The following FARP1 variants were observed in gnomAD, a reference collection of about 807,000 sequenced individuals.
FARP1 encodes the protein FERM, ARHGEF and pleckstrin domain-containing protein 1.
A neutral mutation model predicts 128.8 loss-of-function variants in FARP1; 52 were observed. The ratio of observed to expected loss-of-function variants is 0.40; its 90% confidence interval spans 0.32 to 0.51. The LOEUF is 0.51. FARP1 is among the 20% of genes least tolerant of loss of function. The pLI, the probability that FARP1 is intolerant of heterozygous loss-of-function variation, is 0.45. For missense variants in FARP1, 1,333 were observed against 1,367.9 expected (o/e 0.97, Z 0.40); for synonymous variants, 580 against 551.8 (o/e 1.05, Z -0.72).
rs1323114072 is a variant in FARP1 at position 98,388,469 on chromosome 13, A to G, written c.846A>G (p.Pro282=). The G allele has an allele frequency of 6.2e-7, 1 of 1,613,508 alleles. No homozygotes were observed. Among genetic ancestry groups the G allele is most frequent in the Non-Finnish European group, 8.5e-7 (1 of 1,179,412 alleles). Residue 282 remains proline (P), a synonymous_variant, in exon 9 of 27, where the codon CCA becomes CCG. Transcript: ENST00000319562. ...AGCGCTTTCTCATCAAGCTCCGGCC[A>G]GATGCCAATGTAAGTGGTCCTGGCG... ...KRKRFLIKLR[P]DANSAYQDTL...
chr13:98,378,247 G>T (rs1016689130), intron 6 of FARP1, among the ~76,000 whole-genome samples: 4 of 152,132 alleles, frequency 2.6e-5, no homozygotes, highest in Non-Finnish European at 5.9e-5. Flanking sequence ...CCTGTTCTTG[G>T]ATTTAAACTT....
Position 98,452,928 on chromosome 13 carries a change from AAAGT to A in FARP1, c.*4614_*4617del, listed in dbSNP as rs1217201024. The A allele has an allele frequency of 4.9e-5, 21 of 426,968 alleles. No homozygotes were observed. Among genetic ancestry groups the A allele is most frequent in the South Asian group, 2.9e-4 (5 of 17,396 alleles). The allele number at this position is 426,968 out of a possible 1,614,324, so 26.4% of individuals were successfully genotyped here. The stretch of plus-strand genomic sequence containing the variant: ...TGCACTATGGTTAAAATTAAAAACA[AAAGT>A]AATAAAATAAAATAAAATGATCGCT... On this transcript the variant is annotated 3_prime_UTR_variant, in exon 27 of 27. Transcript: ENST00000319562.
chr13:98,165,695 A>T (rs1442171852), intron 1 of FARP1, among the ~76,000 whole-genome samples: 1 of 83,128 alleles, frequency 1.2e-5, no homozygotes, highest in Non-Finnish European at 2.7e-5. Context: ...AAAAAAAAAA[A>T]CCCTTCCAGA....
intron 1 of FARP1, among the ~76,000 whole-genome samples, chr13:98,210,448 G>C (rs1880608688): frequency 6.6e-6 from 1 of 152,112 alleles, no homozygotes; most frequent in African/African-American, 2.4e-5. Flanking sequence ...TATAGCCCCA[G>C]GGAGCATTCC....
chr13:98,217,475 C>G (rs1344289454), intron 2 of FARP1, among the ~76,000 whole-genome samples: 1 of 152,174 alleles, frequency 6.6e-6, no homozygotes, highest in African/African-American at 2.4e-5. Flanking sequence ...AGGAAATGAT[C>G]CTTGTAACTT....
chr13:98,206,177 TTGTGTGTGTGTG>T lies in FARP1; in HGVS notation c.-23-7014_-23-7003del, dbSNP rs3138577. 1.2e-3 allele frequency among the ~76,000 whole-genome samples: 182 copies of T among 146,166 alleles called. 1 individual carries two copies. The highest frequency in any genetic ancestry group is 3.5e-3 in the Middle Eastern group (1 of 286). On this transcript the variant is annotated intron_variant, in intron 1 of 26. Coordinates refer to ENST00000319562, the MANE Select transcript of FARP1 (RefSeq NM_005766.4). Reference sequence around the variant, plus strand: ...TAATAGGAATTTTCATGACTTGAGGTTGTGTGTGTGTGTGTGTGTGTGTGTGTGTGTGTGTGT... The same window carrying T: ...TAATAGGAATTTTCATGACTTGAGGTTGTGTGTGTGTGTGTGTGTGTGTGT...
Position 98,202,234 on chromosome 13 carries a change from C to T in FARP1, c.-23-10986C>T, listed in dbSNP as rs147963080. 4.3e-3 allele frequency among the ~76,000 whole-genome samples: 658 copies of T among 152,278 alleles called. 4 individuals carry two copies. Among genetic ancestry groups the T allele is most frequent in the South Asian group, 7.5e-3 (36 of 4,826 alleles). ...GGTGGCTTTGTGGCAGCTTCCGGCT[C>T]ATAAGAGCAGAGCCAGATGCACGGA... On this transcript the variant is annotated intron_variant, in intron 1 of 26. Transcript: ENST00000319562.
intron 3 of FARP1, among the ~76,000 whole-genome samples, chr13:98,365,058 C>T (rs1889027190): frequency 1.3e-5 from 2 of 152,134 alleles, no homozygotes; most frequent in African/African-American, 4.8e-5. Flanking sequence ...GTATTTCACT[C>T]GGCTGATAGT....
intron 1 of FARP1, among the ~76,000 whole-genome samples, chr13:98,172,439 C>T: frequency 6.6e-6 from 1 of 152,010 alleles, no homozygotes; most frequent in East Asian, 1.9e-4. Context: ...TTCCTCATGA[C>T]CTCACCTCCC....
At chr13:98,387,428 G>T (rs1379770029) in intron 8 of FARP1, among the ~76,000 whole-genome samples, 1 of 152,176 alleles carries the variant, frequency 6.6e-6, no homozygotes, top group Non-Finnish European at 1.5e-5. Flanking sequence ...AATGTGCTTT[G>T]ATTGTGTTTG....
At chr13:98,272,261 C>T (rs889603385) in intron 2 of FARP1, among the ~76,000 whole-genome samples, 56 of 152,138 alleles carry the variant, frequency 3.7e-4, no homozygotes, top group African/African-American at 1.2e-3. Flanking sequence ...AACTCCTGAG[C>T]TCAGGTGATC....
At chr13:98,207,908 C>CCACCCA (rs1880376604) in intron 1 of FARP1, among the ~76,000 whole-genome samples, 1 of 71,574 alleles carries the variant, frequency 1.4e-5, no homozygotes, top group Non-Finnish European at 2.5e-5. Flanking sequence ...ACCACCACCT[C>CCACCCA]CACACACACA....
chr13:98,382,391 A>G (rs950425566), intron 6 of FARP1: 1 of 152,162 alleles, frequency 6.6e-6, no homozygotes, highest in Admixed American at 6.5e-5. Context: ...AAGACAAGCG[A>G]CCCAGAAGAA....
chr13:98,346,435 C>T (rs1888182554), intron 3 of FARP1, among the ~76,000 whole-genome samples: 1 of 151,478 alleles, frequency 6.6e-6, no homozygotes, highest in Admixed American at 6.6e-5. Context: ...GGTGATCCGC[C>T]CGCCTCAATT....
chr13:98,152,001 C>T (rs1876046913), intron 1 of FARP1, among the ~76,000 whole-genome samples: 1 of 152,232 alleles, frequency 6.6e-6, no homozygotes, highest in African/African-American at 2.4e-5. Flanking sequence ...TATCAATGCT[C>T]TTTCCCGAAA....
chr13:98,327,928 C>G (rs977519488), intron 2 of FARP1, among the ~76,000 whole-genome samples: 3 of 148,548 alleles, frequency 2.0e-5, no homozygotes, highest in African/African-American at 7.8e-5. Context: ...TAGGCATATT[C>G]AATAAGCTAT....
At chr13:98,397,061 T>C (rs1041041796) in intron 13 of FARP1, 8 of 152,206 alleles carry the variant, frequency 5.3e-5, no homozygotes, top group African/African-American at 1.7e-4. Context: ...ATAATGAATA[T>C]TTTAATGGGA....
intron 5 of FARP1, among the ~76,000 whole-genome samples, chr13:98,370,459 G>T (rs146008027): frequency 6.6e-6 from 1 of 152,134 alleles, no homozygotes; most frequent in Non-Finnish European, 1.5e-5. Flanking sequence ...AGAAATGGAG[G>T]CAAGTAGTTG....
At chr13:98,229,274 T>C (rs1353326205) in intron 2 of FARP1, among the ~76,000 whole-genome samples, 1 of 152,236 alleles carries the variant, frequency 6.6e-6, no homozygotes, top group Non-Finnish European at 1.5e-5. Context: ...ATGGTGTTTG[T>C]GCTGTTGTGT....
Sources: allele counts gnomAD v4.1 joint callset (sites outside exome capture counted in the v4.1 genomes callset), GRCh38; gene constraint gnomAD v4.1.1; transcripts MANE v1.5; gene names NCBI Gene and HGNC (gene_info 2026-07-23, HGNC 2026-07-21).